Variants in LHFPL3 observed in about 807,000 individuals in gnomAD.
The protein encoded by LHFPL3 is LHFPL tetraspan subfamily member 3 protein.
Under a neutral mutation model 19.3 loss-of-function variants are expected in LHFPL3, and 5 were observed. That is an observed-to-expected ratio of 0.26 (90% confidence interval 0.14 to 0.54). The LOEUF (loss-of-function observed/expected upper bound fraction) is 0.54, where lower values mean the gene tolerates loss of function less well. Among genes scored for constraint, LHFPL3 ranks in the 20% least tolerant of loss-of-function variants. LHFPL3 has a pLI of 0.94. For synonymous variants in LHFPL3, 133 were observed against 126.2 expected (o/e 1.05, Z -0.36); for missense variants, 249 against 307.4 (o/e 0.81, Z 1.42).
intron 1 of LHFPL3, among the ~76,000 whole-genome samples, chr7:104,430,419 C>CATATATATATAT (rs1457442187): frequency 4.1e-4 from 6 of 14,660 alleles, no homozygotes; most frequent in Non-Finnish European, 6.8e-4. Context: ...TATATATATA[C>CATATATATATAT]ATATATATAT....
chr7:104,533,793 C>T (rs1000413888), intron 1 of LHFPL3, among the ~76,000 whole-genome samples: 2 of 152,300 alleles, frequency 1.3e-5, no homozygotes, highest in Non-Finnish European at 1.5e-5. Flanking sequence ...GATCTTTGGT[C>T]TCCCTTTTTG....
chr7:104,657,480 G>A (rs1414346139), intron 1 of LHFPL3, among the ~76,000 whole-genome samples: 2 of 149,962 alleles, frequency 1.3e-5, no homozygotes, highest in Non-Finnish European at 3.0e-5. Context: ...ATATACCAAT[G>A]TCTTGTTTTA....
chr7:104,906,407 A>G lies in LHFPL3; in HGVS notation c.*192A>G. On this transcript the variant is annotated 3_prime_UTR_variant, in exon 3 of 3. Coordinates refer to ENST00000424859, the MANE Select transcript of LHFPL3 (RefSeq NM_199000.3). ...ATCTAGATCAGCAGAGATGGGAGTG[A>G]TTTTCTGGAAAGAGATGTGATCATG... The G allele has an allele frequency of 1.6e-6, 1 of 617,722 alleles. No individual in the cohort carries two copies. The highest frequency in any genetic ancestry group is 2.7e-6 in the Non-Finnish European group (1 of 369,752). 38.3% of individuals were successfully genotyped at this position (617,722 alleles called of 1,614,324 possible). A position where few individuals can be genotyped will look rare whatever the true frequency, so the allele number is the denominator to read the frequency against.
intron 1 of LHFPL3, among the ~76,000 whole-genome samples, chr7:104,672,676 T>G (rs1243592288): frequency 6.6e-6 from 1 of 152,196 alleles, no homozygotes; most frequent in Non-Finnish European, 1.5e-5. Flanking sequence ...ATGAGGTATC[T>G]CAGCCCTGAA....
At chr7:104,580,393 T>A (rs1790436027) in intron 1 of LHFPL3, among the ~76,000 whole-genome samples, 1 of 152,168 alleles carries the variant, frequency 6.6e-6, no homozygotes, top group Non-Finnish European at 1.5e-5. Flanking sequence ...ACCCATGTAC[T>A]TGCCACCTAG....
At chr7:104,622,639 G>A (rs1252687976) in intron 1 of LHFPL3, among the ~76,000 whole-genome samples, 2 of 152,074 alleles carry the variant, frequency 1.3e-5, no homozygotes, top group Admixed American at 6.5e-5. Context: ...CACAGCCCTA[G>A]TAGTCTGTCT....
At chr7:104,551,040 G>A (rs191386346) in intron 1 of LHFPL3, among the ~76,000 whole-genome samples, 53 of 151,998 alleles carry the variant, frequency 3.5e-4, no homozygotes, top group African/African-American at 1.2e-3. Flanking sequence ...TCAATAGACT[G>A]CAAGACACAA....
intron 1 of LHFPL3, among the ~76,000 whole-genome samples, chr7:104,716,438 A>T (rs1259117443): frequency 1.3e-5 from 2 of 150,912 alleles, no homozygotes; most frequent in Non-Finnish European, 3.0e-5. Flanking sequence ...TAAAGACTCC[A>T]CCAAAAAGCT....
At chr7:104,557,017 T>G (rs533358729) in intron 1 of LHFPL3, among the ~76,000 whole-genome samples, 2 of 152,314 alleles carry the variant, frequency 1.3e-5, no homozygotes, top group South Asian at 2.1e-4. Context: ...CTGAGACCAC[T>G]TCAGCCTGAA....
intron 2 of LHFPL3, among the ~76,000 whole-genome samples, chr7:104,743,821 T>C (rs1220759834): frequency 1.3e-5 from 2 of 152,160 alleles, no homozygotes; most frequent in Non-Finnish European, 2.9e-5. Context: ...TTACACAGTA[T>C]CATGTAATCA....
chr7:104,793,417 A>G (rs79464300), intron 2 of LHFPL3, among the ~76,000 whole-genome samples: 2,937 of 152,290 alleles, frequency 0.019, 104 homozygotes, highest in East Asian at 0.12. Context: ...CTGGTTTTTC[A>G]TTGTGAAGAA....
chr7:104,495,386 A>T (rs7457408), intron 1 of LHFPL3, among the ~76,000 whole-genome samples: 2,038 of 119,736 alleles, frequency 0.017, 41 homozygotes, highest in African/African-American at 0.05. Flanking sequence ...TAAAAAAAAA[A>T]TTTTTTTTCT....
At chr7:104,637,916 G>A (rs1176170851) in intron 1 of LHFPL3, among the ~76,000 whole-genome samples, 2 of 142,734 alleles carry the variant, frequency 1.4e-5, no homozygotes, top group African/African-American at 2.6e-5. Context: ...TAGTGTTCTA[G>A]TCCCGTGAAG....
rs1801518926 is a variant in LHFPL3 at position 104,329,033 on chromosome 7, C to G, written c.254C>G (p.Ser85Cys). 1.9e-6 allele frequency: 3 copies of G among 1,613,944 alleles called. No homozygotes were observed. The highest frequency in any genetic ancestry group is 3.3e-5 in the Admixed American group (2 of 60,018). ...CACTACTGCATCGGCAACGGCTTCT[C>G]CCGGGAGCTGACCTGCAGGGGCAGC... ...LFHYCIGNGFSRELTCRGSFT... is the reference protein window; with the variant it reads ...LFHYCIGNGFCRELTCRGSFT... Residue 85 changes from serine to cysteine, a missense_variant, in exon 1 of 3, where the codon TCC becomes TGC. Transcript: ENST00000424859.
At chr7:104,739,712 A>G (rs1340080146) in intron 2 of LHFPL3, among the ~76,000 whole-genome samples, 3 of 152,242 alleles carry the variant, frequency 2.0e-5, no homozygotes, top group Admixed American at 2.0e-4. Context: ...CAGTGAGACA[A>G]GCAAATCTAG....
intron 1 of LHFPL3, among the ~76,000 whole-genome samples, chr7:104,383,873 T>G (rs1790881934): frequency 6.6e-6 from 1 of 152,220 alleles, no homozygotes; most frequent in Admixed American, 6.5e-5. Context: ...GCTTGCTTCT[T>G]ATATGCCTTG....
intron 1 of LHFPL3, among the ~76,000 whole-genome samples, chr7:104,496,306 T>G (rs1584359671): frequency 1.3e-5 from 2 of 152,362 alleles, no homozygotes; most frequent in African/African-American, 4.8e-5. Context: ...AATTCATCCT[T>G]TTTTATGGCT....
chr7:104,555,693 C>T (rs879516784), intron 1 of LHFPL3, among the ~76,000 whole-genome samples: 11 of 152,196 alleles, frequency 7.2e-5, no homozygotes, highest in Admixed American at 6.5e-5. Context: ...ATCTCATGTC[C>T]TCACATTTCA....
chr7:104,627,999 G>C (rs1791577208), intron 1 of LHFPL3, among the ~76,000 whole-genome samples: 1 of 152,152 alleles, frequency 6.6e-6, no homozygotes, highest in African/African-American at 2.4e-5. Context: ...ATCTGAACCA[G>C]ATCTCTATAA....
Sources: gnomAD v4.1 joint callset for allele counts (sites outside exome capture counted in the v4.1 genomes callset) on GRCh38, gnomAD v4.1.1 for gene constraint, MANE v1.5 for transcripts, NCBI Gene and HGNC (gene_info 2026-07-23, HGNC 2026-07-21) for gene names.